The following UGGT2 variants were observed in gnomAD, a reference collection of about 807,000 sequenced individuals.
The protein encoded by UGGT2 is UDP-glucose:glycoprotein glucosyltransferase 2.
A neutral mutation model predicts 192.1 loss-of-function variants in UGGT2; 180 were observed. That is an observed-to-expected ratio of 0.94 (90% confidence interval 0.83 to 1.06). The LOEUF is 1.06. Ranked by LOEUF, UGGT2 falls within the 50% of genes least tolerant of loss-of-function variation. UGGT2 has a pLI of 0.00. For missense variants in UGGT2, 1,849 were observed against 1,795.7 expected (o/e 1.03, Z -0.54); for synonymous variants, 580 against 591.0 (o/e 0.98, Z 0.27).
At chr13:95,962,260 A>T (rs917569944) in intron 12 of UGGT2, among the ~76,000 whole-genome samples, 1 of 152,148 alleles carries the variant, frequency 6.6e-6, no homozygotes, top group African/African-American at 2.4e-5. Flanking sequence ...ACTAAAGAAA[A>T]AATACAAAGG....
chr13:95,912,032 A>T (rs1270125496), intron 20 of UGGT2, among the ~76,000 whole-genome samples: 3 of 151,740 alleles, frequency 2.0e-5, no homozygotes, highest in Non-Finnish European at 4.4e-5. Context: ...AACAAAATTC[A>T]ACAGCCCTTC....
intron 22 of UGGT2, among the ~76,000 whole-genome samples, chr13:95,897,264 TG>T (rs1324860687): frequency 6.6e-6 from 1 of 152,050 alleles, no homozygotes. Context: ...ATGTAATTAA[TG>T]GTGCAACTGG....
At chr13:95,888,150 A>C (rs1038826243) in intron 25 of UGGT2, among the ~76,000 whole-genome samples, 179 bp from the exon 26 acceptor site, 29 of 152,232 alleles carry the variant, frequency 1.9e-4, no homozygotes, top group African/African-American at 6.3e-4. Flanking sequence ...TTAAGGTCAC[A>C]CAGAAACTCA....
Position 95,854,439 on chromosome 13 carries a change from C to T in UGGT2, c.4045G>A (p.Asp1349Asn), listed in dbSNP as rs528860155. 8.1e-6 allele frequency: 13 copies of T among 1,610,690 alleles called. No homozygotes were observed. The highest frequency in any genetic ancestry group is 3.4e-5 in the Admixed American group (2 of 59,520). The stretch of plus-strand genomic sequence containing the variant: ...TACCCATAAGGAGCTCCATCCAGAT[C>T]GAAATCTCGAAGTTCTTTTAGATCA... ...RHDLKELRDFDLDGAPYGYTP... is the reference protein window; with the variant it reads ...RHDLKELRDFNLDGAPYGYTP... Residue 1349 changes from aspartate to asparagine, a missense_variant, in exon 35 of 39, where the codon GAT (aspartate) becomes AAT (asparagine). Coordinates refer to ENST00000376747, the MANE Select transcript of UGGT2 (RefSeq NM_020121.4).
intron 34 of UGGT2, among the ~76,000 whole-genome samples, chr13:95,855,772 A>G (rs1458098994): frequency 6.6e-6 from 1 of 152,214 alleles, no homozygotes; most frequent in Non-Finnish European, 1.5e-5. Flanking sequence ...TGGAAGAATG[A>G]GAGTTGTATG....
intron 1 of UGGT2, among the ~76,000 whole-genome samples, chr13:96,046,708 C>A (rs1207631208): frequency 3.3e-5 from 5 of 152,194 alleles, no homozygotes; most frequent in Admixed American, 6.5e-5. Flanking sequence ...TCGGGGAATT[C>A]CCTTTCCTAG....
In UGGT2 at chr13:95,894,593, A is replaced by G. The variant is rs2047893248; in HGVS notation, c.2824T>C (p.Tyr942His). ...MSSVPKRASR[Y>H]DVTFLRENHS... Reference sequence around the variant, plus strand: ...TTCTCCCTAAGAAATGTGACATCATATCGAGATGCACGCTTAGGCACAGAG... The same window carrying G: ...TTCTCCCTAAGAAATGTGACATCATGTCGAGATGCACGCTTAGGCACAGAG... The change falls in exon 24 of 39, where the codon TAT becomes CAT. Residue 942 changes from tyrosine to histidine, a missense_variant. Tyr to His is a moderately conservative substitution (Grantham distance 83). Transcript: ENST00000376747. The G allele has an allele frequency of 6.2e-7, 1 of 1,610,770 alleles. No individual in the cohort carries two copies. The highest frequency in any genetic ancestry group is 1.7e-5 in the Admixed American group (1 of 59,648).
intron 1 of UGGT2, among the ~76,000 whole-genome samples, chr13:96,049,611 G>C (rs1471872117): frequency 6.6e-6 from 1 of 152,182 alleles, no homozygotes; most frequent in Admixed American, 6.5e-5. Context: ...TCCTTAAGCT[G>C]ATAAGCAACT....
intron 29 of UGGT2, among the ~76,000 whole-genome samples, chr13:95,875,851 C>G (rs1256515952): frequency 6.6e-6 from 1 of 152,052 alleles, no homozygotes; most frequent in East Asian, 1.9e-4. Context: ...GTAACCCCTA[C>G]TCCTATATTA....
intron 10 of UGGT2, among the ~76,000 whole-genome samples, chr13:95,979,641 T>C (rs2140844827): frequency 6.6e-6 from 1 of 151,972 alleles, no homozygotes; most frequent in East Asian, 1.9e-4. Flanking sequence ...GTATTCTTCT[T>C]ATTATGAGTA....
intron 27 of UGGT2, among the ~76,000 whole-genome samples, chr13:95,878,947 G>GA (rs1365861718): frequency 6.6e-6 from 1 of 152,074 alleles, no homozygotes. Context: ...ATTAGTTGTT[G>GA]AATTACTATT....
intron 2 of UGGT2, among the ~76,000 whole-genome samples, chr13:96,031,343 CCT>C (rs994897999): frequency 2.2e-4 from 34 of 152,102 alleles, no homozygotes; most frequent in South Asian, 1.2e-3. Flanking sequence ...GGAGACAAGG[CCT>C]CTCTCTGTCG....
intron 20 of UGGT2, among the ~76,000 whole-genome samples, chr13:95,907,281 G>A (rs922275508): frequency 6.6e-6 from 1 of 152,220 alleles, no homozygotes; most frequent in Non-Finnish European, 1.5e-5. Flanking sequence ...GCAGCCCACC[G>A]CAGCTCAGCG....
intron 15 of UGGT2, among the ~76,000 whole-genome samples, chr13:95,944,255 T>A (rs891141180): frequency 6.6e-6 from 1 of 152,112 alleles, no homozygotes; most frequent in African/African-American, 2.4e-5. Flanking sequence ...ATTAGATTCA[T>A]AGACTAATTT....
At chr13:96,026,643 T>C (rs1180382584) in intron 2 of UGGT2, among the ~76,000 whole-genome samples, 2 of 150,540 alleles carry the variant, frequency 1.3e-5, no homozygotes, top group African/African-American at 4.9e-5. Context: ...GAATAAGCAT[T>C]GCCTCTTTCA....
At chr13:95,877,048 A>G (rs1309825345) in intron 29 of UGGT2, 3 of 365,316 alleles carry the variant, frequency 8.2e-6, no homozygotes, top group African/African-American at 2.1e-5. Flanking sequence ...CATGTCTGGC[A>G]AATTTTTGTA....
At chr13:95,898,038 C>T (rs2047996659) in intron 22 of UGGT2, among the ~76,000 whole-genome samples, 1 of 152,110 alleles carries the variant, frequency 6.6e-6, no homozygotes, top group Non-Finnish European at 1.5e-5. Flanking sequence ...ACATCTCACA[C>T]CAAAGTCCCT....
At chr13:95,894,318 T>C (rs2047886814) in intron 24 of UGGT2, among the ~76,000 whole-genome samples, 1 of 152,152 alleles carries the variant, frequency 6.6e-6, no homozygotes, top group Non-Finnish European at 1.5e-5. Context: ...ATATTAAAAA[T>C]ATGACAAATT....
chr13:96,002,103 GGTCA>G (rs2051825931), intron 5 of UGGT2, among the ~76,000 whole-genome samples: 1 of 152,070 alleles, frequency 6.6e-6, no homozygotes, highest in Non-Finnish European at 1.5e-5. Flanking sequence ...CAACATGAGG[GGTCA>G]GTATCTCTAA....
Sources: gnomAD v4.1 joint callset for allele counts (sites outside exome capture counted in the v4.1 genomes callset) on GRCh38, gnomAD v4.1.1 for gene constraint, MANE v1.5 for transcripts, NCBI Gene and HGNC (gene_info 2026-07-23, HGNC 2026-07-21) for gene names.